The following DLG2 variants were observed in gnomAD, a reference collection of about 807,000 sequenced individuals.
DLG2 encodes the protein disks large homolog 2.
DLG2 carries 45 observed loss-of-function variants against 132.5 expected under a neutral mutation model. That is an observed-to-expected ratio of 0.34 (90% CI 0.27 to 0.44). DLG2 has a LOEUF of 0.44. DLG2 is among the 20% of genes least tolerant of loss of function. The probability of loss-of-function intolerance (pLI) is 1.00; values close to 1 mark genes in which losing one functional copy is unlikely to be tolerated. For missense variants in DLG2, 1,045 were observed against 1,196.9 expected (o/e 0.87, Z 1.87); for synonymous variants, 424 against 419.6 (o/e 1.01, Z -0.13).
At chr11:84,609,486 A>C (rs2099591600) in intron 6 of DLG2, among the ~76,000 whole-genome samples, 1 of 152,104 alleles carries the variant, frequency 6.6e-6, no homozygotes, top group South Asian at 2.1e-4. Context: ...GGAAAAATAT[A>C]AACTGTGCTA....
intron 6 of DLG2, among the ~76,000 whole-genome samples, chr11:84,795,109 C>T (rs927640604): frequency 5.3e-5 from 8 of 152,344 alleles, no homozygotes; most frequent in African/African-American, 1.9e-4. Context: ...CCCATCACTG[C>T]CTGTGGACCA....
At chr11:85,168,072 T>C (rs1292960925) in intron 4 of DLG2, among the ~76,000 whole-genome samples, 2 of 152,116 alleles carry the variant, frequency 1.3e-5, no homozygotes, top group African/African-American at 4.8e-5. Context: ...AGAGTATCAG[T>C]TATCAAGAAA....
At chr11:84,181,207 CTA>C (rs769732878) in intron 8 of DLG2, among the ~76,000 whole-genome samples, 9 of 151,578 alleles carry the variant, frequency 5.9e-5, no homozygotes, top group Non-Finnish European at 1.0e-4. Context: ...ATACAAGAAA[CTA>C]TGGCAGAATG....
chr11:84,436,885 A>G (rs1366899288), intron 7 of DLG2, among the ~76,000 whole-genome samples: 2 of 152,232 alleles, frequency 1.3e-5, no homozygotes, highest in Non-Finnish European at 2.9e-5. Context: ...TAAGATACCA[A>G]GCACCCCTGT....
intron 6 of DLG2, among the ~76,000 whole-genome samples, chr11:84,721,894 G>A (rs2061881253): frequency 6.6e-6 from 1 of 152,206 alleles, no homozygotes; most frequent in South Asian, 2.1e-4. Context: ...ACACATTCCT[G>A]TGGTAAGCCC....
At chr11:85,148,121 T>G (rs145478147) in intron 5 of DLG2, among the ~76,000 whole-genome samples, 1 of 152,364 alleles carries the variant, frequency 6.6e-6, no homozygotes, top group East Asian at 1.9e-4. Context: ...CCATGGTGTG[T>G]ATATACCACA....
chr11:84,734,563 T>A (rs1596851110), intron 6 of DLG2, among the ~76,000 whole-genome samples: 5 of 152,192 alleles, frequency 3.3e-5, no homozygotes, highest in African/African-American at 4.8e-5. Flanking sequence ...TTTCTAGATA[T>A]CCAATCATGT....
chr11:84,680,068 C>T (rs2099724841), intron 6 of DLG2, among the ~76,000 whole-genome samples: 1 of 152,008 alleles, frequency 6.6e-6, no homozygotes, highest in South Asian at 2.1e-4. Context: ...GAGCCATTTC[C>T]AACTCTTCAC....
At chr11:83,903,397 T>G (rs1042138490) in intron 15 of DLG2, among the ~76,000 whole-genome samples, 4 of 152,120 alleles carry the variant, frequency 2.6e-5, no homozygotes, top group Non-Finnish European at 4.4e-5. Context: ...TCTGATAGAG[T>G]ATTCTGTTAC....
intron 17 of DLG2, among the ~76,000 whole-genome samples, chr11:83,823,605 C>G (rs1348507367): frequency 2.0e-5 from 3 of 152,034 alleles, no homozygotes; most frequent in Admixed American, 2.0e-4. Context: ...GAGAGGGGTC[C>G]TAGGATTTCC....
chr11:83,890,244 A>G lies in DLG2; in HGVS notation c.1497-15756T>C, dbSNP rs540782197. Among the ~76,000 whole-genome samples the G allele has an allele frequency of 3.3e-5, 5 of 152,274 alleles. No individual in the cohort carries two copies. In the East Asian group the frequency reaches 9.6e-4, roughly 29 times the overall value. ...GCATCTAATTCAAATTGCCCTGGAT[A>G]TCTTTTCATTTCACATAGGAAAGAA... On this transcript the variant is annotated intron_variant, in intron 15 of 27. Transcript: ENST00000376104.
chr11:84,282,581 A>G (rs2097863474), intron 7 of DLG2, among the ~76,000 whole-genome samples: 1 of 152,192 alleles, frequency 6.6e-6, no homozygotes, highest in African/African-American at 2.4e-5. Context: ...GGGGCTTATC[A>G]TAAGTGATAA....
intron 8 of DLG2, among the ~76,000 whole-genome samples, chr11:84,187,464 A>G (rs967348478): frequency 4.6e-5 from 7 of 152,050 alleles, no homozygotes; most frequent in Non-Finnish European, 1.0e-4. Flanking sequence ...CAAAGAATAA[A>G]AGAAGCATCC....
At chr11:83,707,739 TTGAG>T (rs1374530665) in intron 18 of DLG2, among the ~76,000 whole-genome samples, 2 of 152,180 alleles carry the variant, frequency 1.3e-5, no homozygotes, top group Admixed American at 6.6e-5. Flanking sequence ...TTGAGATTGG[TTGAG>T]TGTCTGTTCC....
At chr11:85,400,649 G>A (rs1249178836) in intron 3 of DLG2, among the ~76,000 whole-genome samples, 1 of 145,862 alleles carries the variant, frequency 6.9e-6, no homozygotes, top group Non-Finnish European at 1.5e-5. Context: ...GGATGAAATT[G>A]GAAATCATCA....
At chr11:83,827,094 C>T (rs1037263395) in intron 17 of DLG2, among the ~76,000 whole-genome samples, 2 of 151,990 alleles carry the variant, frequency 1.3e-5, no homozygotes, top group Admixed American at 6.6e-5. Flanking sequence ...AGGAACGGCA[C>T]GGCAGGTATG....
chr11:85,393,851 G>A (rs765865304), intron 3 of DLG2, among the ~76,000 whole-genome samples: 3 of 152,086 alleles, frequency 2.0e-5, no homozygotes, highest in Non-Finnish European at 2.9e-5. Context: ...AATGGAAGCT[G>A]AGCTATGAGG....
intron 4 of DLG2, among the ~76,000 whole-genome samples, chr11:85,179,612 T>G (rs1474985972): frequency 1.3e-5 from 2 of 150,922 alleles, no homozygotes; most frequent in African/African-American, 2.4e-5. Context: ...GAGGAAAAAA[T>G]AAGAAGAAAA....
At chr11:85,089,810 A>C (rs1369627178) in intron 6 of DLG2, among the ~76,000 whole-genome samples, 1 of 152,188 alleles carries the variant, frequency 6.6e-6, no homozygotes, top group Non-Finnish European at 1.5e-5. Context: ...GCGGCCAACA[A>C]AAATATGAAA....
Sources: allele counts gnomAD v4.1 joint callset (sites outside exome capture counted in the v4.1 genomes callset), GRCh38; gene constraint gnomAD v4.1.1; transcripts MANE v1.5; gene names NCBI Gene and HGNC (gene_info 2026-07-23, HGNC 2026-07-21).